Variants in CAMK1D observed in about 807,000 individuals in gnomAD.
CAMK1D encodes calcium/calmodulin-dependent protein kinase type 1D.
In CAMK1D, 9 loss-of-function variants were observed where a neutral mutation model predicts 47.7. That is an observed-to-expected ratio of 0.19 (90% CI 0.11 to 0.33). The LOEUF is 0.33. Among genes scored for constraint, CAMK1D ranks in the 10% least tolerant of loss-of-function variants. The pLI, the probability that CAMK1D is intolerant of heterozygous loss-of-function variation, is 1.00. For synonymous variants in CAMK1D, 184 were observed against 184.9 expected, an observed-to-expected ratio of 0.99 and a Z score of 0.04; for missense variants, 291 against 488.7, an observed-to-expected ratio of 0.60 and a Z score of 3.81.
At chr10:12,708,209 G>T (rs1332835001) in intron 3 of CAMK1D, among the ~76,000 whole-genome samples, 1 of 152,178 alleles carries the variant, frequency 6.6e-6, no homozygotes, top group African/African-American at 2.4e-5. Flanking sequence ...TCTGCCACCT[G>T]TGCTGTGGGG....
At chr10:12,441,172 C>T (rs1324202313) in intron 1 of CAMK1D, among the ~76,000 whole-genome samples, 1 of 152,206 alleles carries the variant, frequency 6.6e-6, no homozygotes, top group Non-Finnish European at 1.5e-5. Context: ...TCTGAAGGCT[C>T]TCATGTCACA....
intron 3 of CAMK1D, among the ~76,000 whole-genome samples, chr10:12,695,737 T>G (rs917064538): frequency 6.6e-6 from 1 of 152,010 alleles, no homozygotes; most frequent in African/African-American, 2.4e-5. Context: ...GCTTTTAAAT[T>G]TAATGGTTCT....
In CAMK1D at chr10:12,553,330, A is replaced by T; in HGVS notation, c.198A>T (p.Ile66=). Residue 66 remains isoleucine, a synonymous_variant, in exon 2 of 11, where the codon ATA becomes ATT. Transcript: ENST00000619168. ...KKALKGKESS[I]ENEIAVLRKI... ...CGCTGAAGGGCAAGGAAAGCAGCAT[A>T]GAGAATGAGATAGCCGTCCTGAGAA... 6.2e-7 allele frequency: 1 copy of T among 1,614,022 alleles called. No homozygotes were observed. Among genetic ancestry groups the T allele is most frequent in the Non-Finnish European group, 8.5e-7 (1 of 1,179,884 alleles).
chr10:12,638,898 C>T (rs562441912), intron 2 of CAMK1D, among the ~76,000 whole-genome samples: 1 of 152,328 alleles, frequency 6.6e-6, no homozygotes, highest in Non-Finnish European at 1.5e-5. Flanking sequence ...GTGTCCCTCT[C>T]ATCCCCCCAC....
intron 2 of CAMK1D, among the ~76,000 whole-genome samples, chr10:12,559,320 C>T (rs1030680212): frequency 6.6e-6 from 1 of 152,086 alleles, no homozygotes; most frequent in South Asian, 2.1e-4. Context: ...AAATATTATG[C>T]TGATGCGCAG....
At chr10:12,611,421 G>C (rs950907401) in intron 2 of CAMK1D, among the ~76,000 whole-genome samples, 5 of 151,870 alleles carry the variant, frequency 3.3e-5, no homozygotes, top group African/African-American at 1.2e-4. Context: ...TTCTGGGGAC[G>C]AATCCAGACA....
At chr10:12,811,681 A>G (rs574571442) in intron 6 of CAMK1D, among the ~76,000 whole-genome samples, 88 of 152,336 alleles carry the variant, frequency 5.8e-4, no homozygotes, top group African/African-American at 2.0e-3. Context: ...TTCTTAAAGA[A>G]TTTTTTCCTT....
intron 4 of CAMK1D, among the ~76,000 whole-genome samples, chr10:12,767,090 A>G (rs1417077057): frequency 6.6e-6 from 1 of 152,220 alleles, no homozygotes; most frequent in Non-Finnish European, 1.5e-5. Flanking sequence ...CTGCTGCACA[A>G]CAGGCCGAGG....
At chr10:12,504,208 G>A (rs994914340) in intron 1 of CAMK1D, among the ~76,000 whole-genome samples, 1 of 136,972 alleles carries the variant, frequency 7.3e-6, no homozygotes, top group African/African-American at 3.0e-5. Flanking sequence ...TCACAAATAT[G>A]TTCCAAATAC....
chr10:12,452,194 A>C (rs1833104231), intron 1 of CAMK1D, among the ~76,000 whole-genome samples: 1 of 152,176 alleles, frequency 6.6e-6, no homozygotes, highest in Non-Finnish European at 1.5e-5. Flanking sequence ...GTTCACATTA[A>C]TGGAGCAGAT....
intron 1 of CAMK1D, among the ~76,000 whole-genome samples, chr10:12,552,834 C>T (rs575175918): frequency 1.8e-4 from 28 of 152,312 alleles, no homozygotes; most frequent in Non-Finnish European, 3.8e-4. Context: ...CTCTGCCTTC[C>T]AAGCTCAAGC....
intron 3 of CAMK1D, among the ~76,000 whole-genome samples, chr10:12,757,639 C>T (rs535790620): frequency 2.0e-5 from 3 of 152,194 alleles, no homozygotes; most frequent in Admixed American, 1.3e-4. Context: ...AACAAAATAC[C>T]ATATAGATTG....
At chr10:12,826,604 C>T (rs1373509888) in intron 10 of CAMK1D, among the ~76,000 whole-genome samples, 1 of 152,174 alleles carries the variant, frequency 6.6e-6, no homozygotes, top group African/African-American at 2.4e-5. Flanking sequence ...AGCAGTGGCC[C>T]TAATCTCCCT....
intron 6 of CAMK1D, among the ~76,000 whole-genome samples, chr10:12,807,790 C>T (rs918702396): frequency 5.9e-5 from 9 of 152,202 alleles, no homozygotes; most frequent in African/African-American, 9.7e-5. Context: ...TCCGTTCCTC[C>T]GTCCAGCTCC....
chr10:12,793,554 G>C (rs1838072635), intron 6 of CAMK1D, among the ~76,000 whole-genome samples: 1 of 152,250 alleles, frequency 6.6e-6, no homozygotes, highest in African/African-American at 2.4e-5. Context: ...ACGGTCTGGA[G>C]GCTGGAAGTC....
intron 1 of CAMK1D, among the ~76,000 whole-genome samples, chr10:12,389,319 T>C (rs1838636714): frequency 6.6e-6 from 1 of 152,178 alleles, no homozygotes; most frequent in African/African-American, 2.4e-5. Flanking sequence ...GTTCTGCCCA[T>C]TGCTCTTGGG....
At chr10:12,753,626 T>TACTGTGG (rs1836090766) in intron 3 of CAMK1D, among the ~76,000 whole-genome samples, 1 of 152,210 alleles carries the variant, frequency 6.6e-6, no homozygotes, top group Non-Finnish European at 1.5e-5. Context: ...GCTTTTCCCC[T>TACTGTGG]GACCACACGT....
intron 1 of CAMK1D, among the ~76,000 whole-genome samples, chr10:12,464,838 T>C (rs1255561810): frequency 6.6e-6 from 1 of 150,500 alleles, no homozygotes; most frequent in Non-Finnish European, 1.5e-5. Context: ...AAAAGAGTGA[T>C]CAAATTCATC....
At chr10:12,544,329 G>C (rs1285609029) in intron 1 of CAMK1D, among the ~76,000 whole-genome samples, 3 of 151,910 alleles carry the variant, frequency 2.0e-5, no homozygotes, top group African/African-American at 7.3e-5. Context: ...TGCAATTTTT[G>C]AAACACTGGA....
Sources: gnomAD v4.1 joint callset for allele counts (sites outside exome capture counted in the v4.1 genomes callset) on GRCh38, gnomAD v4.1.1 for gene constraint, MANE v1.5 for transcripts, NCBI Gene and HGNC (gene_info 2026-07-23, HGNC 2026-07-21) for gene names.